Variants in CLIP2 observed in about 807,000 individuals in gnomAD.
CLIP2 encodes CAP-Gly domain containing linker protein 2, also known as CAP-Gly domain-containing linker protein 2.
Under a neutral mutation model 111.7 loss-of-function variants are expected in CLIP2, and 41 were observed. That is an observed-to-expected ratio of 0.37 (90% CI 0.29 to 0.48). The LOEUF is 0.48. CLIP2 is among the 20% of genes least tolerant of loss of function. CLIP2 has a pLI of 0.99. For synonymous variants in CLIP2, 660 were observed against 644.2 expected, an observed-to-expected ratio of 1.02 and a Z score of -0.37; for missense variants, 1,160 against 1,422.1, an observed-to-expected ratio of 0.82 and a Z score of 2.96.
chr7:74,324,818 G>GAAAAA (rs11318033), intron 2 of CLIP2, among the ~76,000 whole-genome samples: 1 of 95,180 alleles, frequency 1.1e-5, no homozygotes, highest in Admixed American at 1.1e-4. Context: ...AAGATCTTGA[G>GAAAAA]AAAAAAAAAA....
At chr7:74,379,788 C>T (rs149508234) in intron 10 of CLIP2, among the ~76,000 whole-genome samples, 234 of 150,490 alleles carry the variant, frequency 1.6e-3, no homozygotes, top group Admixed American at 5.6e-3. Context: ...TAAAAAAACC[C>T]CAAAATTAGC....
chr7:74,330,571 G>C (rs1225741198), intron 2 of CLIP2, among the ~76,000 whole-genome samples: 1 of 151,864 alleles, frequency 6.6e-6, no homozygotes, highest in Non-Finnish European at 1.5e-5. Context: ...TTTCTTAATT[G>C]ATTCATTTTT....
At chr7:74,326,362 G>C (rs1214147586) in intron 2 of CLIP2, among the ~76,000 whole-genome samples, 1 of 152,178 alleles carries the variant, frequency 6.6e-6, no homozygotes, top group Non-Finnish European at 1.5e-5. Context: ...TGGGGTGCCT[G>C]GGGGACCAAG....
At chr7:74,378,835 GA>G (rs1554313435) in intron 10 of CLIP2, among the ~76,000 whole-genome samples, 1 of 152,126 alleles carries the variant, frequency 6.6e-6, no homozygotes, top group Non-Finnish European at 1.5e-5. Flanking sequence ...TGTCTAAAAG[GA>G]AATCTTTTTG....
intron 1 of CLIP2, among the ~76,000 whole-genome samples, chr7:74,300,879 C>G (rs1194398229): frequency 6.6e-6 from 1 of 152,130 alleles, no homozygotes; most frequent in Non-Finnish European, 1.5e-5. Context: ...GTGAATTGTG[C>G]TGTGATCAAC....
intron 3 of CLIP2, among the ~76,000 whole-genome samples, chr7:74,343,782 G>A (rs1474920135): frequency 6.6e-6 from 1 of 151,730 alleles, no homozygotes; most frequent in Non-Finnish European, 1.5e-5. Flanking sequence ...GCATGCCTAT[G>A]CTCCCAGCTA....
At chr7:74,310,091 G>A (rs1304518227) in intron 1 of CLIP2, among the ~76,000 whole-genome samples, 1 of 140,654 alleles carries the variant, frequency 7.1e-6, no homozygotes, top group African/African-American at 2.8e-5. Flanking sequence ...TCAGCCAGGC[G>A]TGATGGCGCA....
chr7:74,337,918 G>A (rs781833698), intron 2 of CLIP2, among the ~76,000 whole-genome samples: 2 of 152,142 alleles, frequency 1.3e-5, no homozygotes, highest in Non-Finnish European at 1.5e-5. Context: ...TTCTGAGGGC[G>A]TACTTTCCTG....
chr7:74,390,169 GAA>G (rs1161098825), intron 13 of CLIP2, among the ~76,000 whole-genome samples: 6 of 26,242 alleles, frequency 2.3e-4, no homozygotes, highest in Non-Finnish European at 4.7e-4. Flanking sequence ...AAAGAAGAAA[GAA>G]AGAAAGAAAG....
At chr7:74,387,009 C>T (rs1442213699) in intron 12 of CLIP2, among the ~76,000 whole-genome samples, 2 of 130,176 alleles carry the variant, frequency 1.5e-5, no homozygotes, top group African/African-American at 5.9e-5. Flanking sequence ...GGTGACAGAG[C>T]GAGACTCCAT....
rs1232732830 is a variant in CLIP2, at chr7:74,314,847, C to T, written c.-67-2633C>T. Among the ~76,000 whole-genome samples the T allele has an allele frequency of 1.3e-5, 2 of 152,188 alleles. 1 individual carries two copies. The highest frequency in any genetic ancestry group is 4.8e-5 in the African/African-American group (2 of 41,442). ...TGGGGGGCTTGTCCACCCCTCCGGC[C>T]CCCTGCAGCCAGTCCCATCTTGCTG... On this transcript the variant is annotated intron_variant, in intron 1 of 16. Coordinates refer to ENST00000223398, the MANE Select transcript of CLIP2 (RefSeq NM_003388.5).
At chr7:74,384,726 G>A (rs1436703459) in intron 11 of CLIP2, among the ~76,000 whole-genome samples, 7 of 152,046 alleles carry the variant, frequency 4.6e-5, no homozygotes, top group East Asian at 1.9e-4. Context: ...GATAACAGGC[G>A]TGAGCCACCG....
chr7:74,382,627 A>G (rs1562722423), intron 11 of CLIP2, among the ~76,000 whole-genome samples: 1 of 150,810 alleles, frequency 6.6e-6, no homozygotes, highest in Non-Finnish European at 1.5e-5. Flanking sequence ...TTGCATTTCT[A>G]TTTGTGTCTT....
chr7:74,377,219 TC>T (rs1184154157), intron 10 of CLIP2, among the ~76,000 whole-genome samples: 1 of 152,034 alleles, frequency 6.6e-6, no homozygotes, highest in Non-Finnish European at 1.5e-5. Flanking sequence ...GCTCTGCCTA[TC>T]CCCCTGGGGG....
At chr7:74,296,788 C>CAAAAA (rs3044389) in intron 1 of CLIP2, among the ~76,000 whole-genome samples, 89 of 120,138 alleles carry the variant, frequency 7.4e-4, no homozygotes, top group East Asian at 2.7e-3. Context: ...GATTTTGTCT[C>CAAAAA]AAAAAAAAAA....
chr7:74,335,644 T>TTCCTTCCC (rs1789427874), intron 2 of CLIP2, among the ~76,000 whole-genome samples: 1 of 14,156 alleles, frequency 7.1e-5, no homozygotes, highest in African/African-American at 2.7e-4. Flanking sequence ...CTGGCTTATT[T>TTCCTTCCC]TCCTTCCTTC....
At chr7:74,382,069 T>C (rs1217814486) in intron 11 of CLIP2, among the ~76,000 whole-genome samples, 1 of 148,298 alleles carries the variant, frequency 6.7e-6, no homozygotes, top group East Asian at 2.0e-4. Context: ...GTGGATGAAG[T>C]TAAGAGGTAT....
Position 74,338,909 on chromosome 7 carries a change from T to C in CLIP2, c.583T>C (p.Ser195Pro). ...IPLRESVLNS[S>P]VKTGNESGSN... ...CCTGCGGGAGAGCGTCCTCAACAGC[T>C]CCGTGAAGACTGGCAACGAGTCGGG... Residue 195 changes from serine (S) to proline (P), a missense_variant, in exon 3 of 17, where the codon TCC becomes CCC. Transcript: ENST00000223398. This position sits in a 1 kb window ranked among gnomAD's most constrained non-coding sequence, Gnocchi z 4.3. The C allele has an allele frequency of 1.2e-6, 2 of 1,603,458 alleles. No homozygotes were observed. Among genetic ancestry groups the C allele is most frequent in the South Asian group, 2.2e-5 (2 of 91,064 alleles).
At chr7:74,353,254 T>C (rs1384766738) in intron 3 of CLIP2, among the ~76,000 whole-genome samples, 2 of 131,372 alleles carry the variant, frequency 1.5e-5, no homozygotes, top group African/African-American at 2.7e-5. Flanking sequence ...ACGAAAACCC[T>C]TTTTTTTTTT....
Sources: gnomAD v4.1 joint callset for allele counts (sites outside exome capture counted in the v4.1 genomes callset) on GRCh38, gnomAD v4.1.1 for gene constraint, Gnocchi (gnomAD v3.1) non-coding constraint, MANE v1.5 for transcripts, NCBI Gene and HGNC (gene_info 2026-07-23, HGNC 2026-07-21) for gene names.